TLL1: variants seen among roughly 807,000 people sequenced by gnomAD.
The protein encoded by TLL1 is tolloid like 1.
A neutral mutation model predicts 128.2 loss-of-function variants in TLL1; 49 were observed. The ratio of observed to expected loss-of-function variants is 0.38; its 90% confidence interval spans 0.30 to 0.48. The LOEUF (loss-of-function observed/expected upper bound fraction) is 0.48, where lower values mean the gene tolerates loss of function less well. Ranked by LOEUF, TLL1 falls within the 20% of genes least tolerant of loss-of-function variation. TLL1 has a pLI of 0.96. For synonymous variants in TLL1, 454 were observed against 418.8 expected, an observed-to-expected ratio of 1.08 and a Z score of -1.03; for missense variants, 1,123 against 1,242.0, an observed-to-expected ratio of 0.90 and a Z score of 1.44.
At chr4:165,946,212 C>T (rs1264503331) in intron 1 of TLL1, among the ~76,000 whole-genome samples, 1 of 152,104 alleles carries the variant, frequency 6.6e-6, no homozygotes, top group Non-Finnish European at 1.5e-5. Context: ...TCCAGAGCCT[C>T]CAGAATGGAA....
intron 1 of TLL1, among the ~76,000 whole-genome samples, chr4:165,978,529 A>G (rs1231277677): frequency 6.6e-6 from 1 of 152,062 alleles, no homozygotes; most frequent in Non-Finnish European, 1.5e-5. Flanking sequence ...ACTGCCTACC[A>G]CCAATAATAT....
intron 8 of TLL1, among the ~76,000 whole-genome samples, chr4:166,020,596 C>G (rs1189429174): frequency 1.3e-5 from 2 of 152,166 alleles, no homozygotes; most frequent in Admixed American, 1.3e-4. Flanking sequence ...TTACCCTACT[C>G]ATAGGATTAC....
intron 1 of TLL1, among the ~76,000 whole-genome samples, chr4:165,877,666 C>T (rs759041612): frequency 6.6e-6 from 1 of 152,132 alleles, no homozygotes; most frequent in Admixed American, 6.6e-5. Flanking sequence ...AAAGCAGATA[C>T]CTGATGAACT....
At chr4:166,040,662 T>C (rs1739198154) in intron 10 of TLL1, among the ~76,000 whole-genome samples, 1 of 152,226 alleles carries the variant, frequency 6.6e-6, no homozygotes, top group African/African-American at 2.4e-5. Context: ...GTTAGAATTG[T>C]AGAAACTTGG....
At chr4:165,980,101 T>C (rs1736086104) in intron 1 of TLL1, among the ~76,000 whole-genome samples, 1 of 152,168 alleles carries the variant, frequency 6.6e-6, no homozygotes, top group African/African-American at 2.4e-5. Context: ...TAATCTTCCT[T>C]GTTCTGGCTC....
intron 9 of TLL1, among the ~76,000 whole-genome samples, chr4:166,026,382 G>T (rs1472910124): frequency 6.7e-6 from 1 of 148,704 alleles, no homozygotes; most frequent in African/African-American, 2.5e-5. Flanking sequence ...GACAGAGCAA[G>T]GCTCTGTCAA....
At chr4:166,093,671 C>A (rs527666958) in intron 19 of TLL1, among the ~76,000 whole-genome samples, 9 of 152,238 alleles carry the variant, frequency 5.9e-5, no homozygotes, top group East Asian at 1.9e-4. Context: ...GACGGTCAGG[C>A]CTTTCTCATC....
At chr4:165,919,703 T>C in intron 1 of TLL1, 1 of 415,900 alleles carries the variant, frequency 2.4e-6, no homozygotes, top group Non-Finnish European at 4.9e-6. Context: ...TCATCCCCAT[T>C]TCTTGCTGTG....
intron 1 of TLL1, among the ~76,000 whole-genome samples, chr4:165,936,080 T>G (rs1733744831): frequency 6.6e-6 from 1 of 151,548 alleles, no homozygotes; most frequent in Non-Finnish European, 1.5e-5. Flanking sequence ...GTTGATTCCT[T>G]GAGAGTTGAA....
chr4:165,874,693 T>A (rs565867231), intron 1 of TLL1, among the ~76,000 whole-genome samples: 1 of 152,354 alleles, frequency 6.6e-6, no homozygotes, highest in African/African-American at 2.4e-5. Context: ...AAAAATGTTT[T>A]TAAGTTGCTA....
At chr4:165,979,389 A>G (rs78742834) in intron 1 of TLL1, among the ~76,000 whole-genome samples, 12,050 of 152,068 alleles carry the variant, frequency 0.079, 1,551 homozygotes, top group African/African-American at 0.27. Context: ...ATTAAATATT[A>G]TGCAAAATCA....
At chr4:165,913,227 A>G (rs1732620691) in intron 1 of TLL1, among the ~76,000 whole-genome samples, 1 of 152,208 alleles carries the variant, frequency 6.6e-6, no homozygotes, top group Non-Finnish European at 1.5e-5. Context: ...TATTAACTCA[A>G]TGAATCTTTA....
chr4:165,905,805 G>GT (rs1732222456), intron 1 of TLL1, among the ~76,000 whole-genome samples: 1 of 152,196 alleles, frequency 6.6e-6, no homozygotes, highest in African/African-American at 2.4e-5. Context: ...GTCTGAATGT[G>GT]TTAAAACAAA....
At chr4:166,052,023 A>G (rs886855591) in intron 12 of TLL1, among the ~76,000 whole-genome samples, 3 of 152,178 alleles carry the variant, frequency 2.0e-5, no homozygotes, top group Non-Finnish European at 4.4e-5. Context: ...ACTGTAAATT[A>G]AAATGTAAAG....
intron 12 of TLL1, among the ~76,000 whole-genome samples, chr4:166,048,532 T>C (rs1052724872): frequency 1.4e-4 from 22 of 152,206 alleles, no homozygotes; most frequent in Admixed American, 1.2e-3. Flanking sequence ...TATATGAATA[T>C]AGATTCCCTC....
chr4:165,993,837 G>T (rs1364578403), intron 3 of TLL1, among the ~76,000 whole-genome samples: 1 of 152,088 alleles, frequency 6.6e-6, no homozygotes, highest in East Asian at 1.9e-4. Flanking sequence ...GAGGAAACTG[G>T]AATGGAGATA....
chr4:165,973,646 G>T (rs965596415), intron 1 of TLL1, among the ~76,000 whole-genome samples: 1 of 151,776 alleles, frequency 6.6e-6, no homozygotes, highest in Non-Finnish European at 1.5e-5. Context: ...TCCTTAACAA[G>T]GGAGTAAGCA....
chr4:165,937,254 G>T (rs2110916689), intron 1 of TLL1, among the ~76,000 whole-genome samples: 2 of 152,196 alleles, frequency 1.3e-5, no homozygotes, highest in South Asian at 4.2e-4. Context: ...AAAAAAACCT[G>T]ATGTGTTTGT....
At chr4:165,877,476 C>T (rs1730767664) in intron 1 of TLL1, among the ~76,000 whole-genome samples, 1 of 152,176 alleles carries the variant, frequency 6.6e-6, no homozygotes, top group Non-Finnish European at 1.5e-5. Flanking sequence ...AGGAGGCTCC[C>T]AAGGGACACT....
Sources: gnomAD v4.1 joint callset for allele counts (sites outside exome capture counted in the v4.1 genomes callset) on GRCh38, gnomAD v4.1.1 for gene constraint, MANE v1.5 for transcripts, NCBI Gene and HGNC (gene_info 2026-07-23, HGNC 2026-07-21) for gene names.